Variants in TASOR2 observed in about 807,000 individuals in gnomAD.
TASOR2 encodes protein TASOR 2.
Under a neutral mutation model 199.5 loss-of-function variants are expected in TASOR2, and 84 were observed. The ratio of observed to expected loss-of-function variants is 0.42; its 90% CI spans 0.35 to 0.50. TASOR2 has a LOEUF of 0.50. Among genes scored for constraint, TASOR2 ranks in the 20% least tolerant of loss-of-function variants. The pLI is 0.02. For missense variants in TASOR2, 2,796 were observed against 2,835.9 expected, an observed-to-expected ratio of 0.99 and a Z score of 0.32; for synonymous variants, 1,103 against 1,046.6, an observed-to-expected ratio of 1.05 and a Z score of -1.04.
In TASOR2 at chr10:5,685,133, C is replaced by G. The variant is rs1588538533; in HGVS notation, c.-330C>G. ...GAGAAGCATGGGAAGGAGGCCGAGCCGGGATCTCAGGTCCTCGGGGGCGGC... is the reference window on the plus strand; with the variant it reads ...GAGAAGCATGGGAAGGAGGCCGAGCGGGGATCTCAGGTCCTCGGGGGCGGC... On this transcript the variant is annotated 5_prime_UTR_variant, in exon 1 of 21. Coordinates refer to ENST00000328090, the Ensembl canonical transcript of TASOR2. This position sits in a 1 kb window ranked among gnomAD's most constrained non-coding sequence, Gnocchi z 5.4. The G allele has an allele frequency of 1.4e-4, 57 of 398,218 alleles. No individual in the cohort carries two copies. The East Asian group carries it at 2.0e-3, about 14-fold the overall frequency. The allele number at this position is 398,218 out of a possible 1,614,324, so 24.7% of individuals were successfully genotyped here.
Position 5,740,493 on chromosome 10 carries a change from C to T in TASOR2, c.2323C>T (p.His775Tyr), listed in dbSNP as rs566014663. The change falls in exon 13 of 21, where the codon CAT (histidine) becomes TAT (tyrosine). Residue 775 changes from histidine to tyrosine, a missense_variant. Around this residue, in one of 3 missense-constraint regions of TASOR2, gnomAD observed 8 missense variants for 23.6 expected, o/e 0.34. Coordinates refer to ENST00000328090, the Ensembl canonical transcript of TASOR2. The surrounding 1 kb of genome is among the most constrained non-coding windows in gnomAD (Gnocchi z 5.3). The stretch of plus-strand genomic sequence containing the variant: ...GGAGAAAACTGTAGTAAGAGCATTA[C>T]ATGGGTGAGTATGAGTGAAACTTAG... 2.5e-6 allele frequency: 4 copies of T among 1,609,608 alleles called. No homozygotes were observed. The Admixed American group carries it at 5.0e-5, about 20-fold the overall frequency.
chr10:5,725,348 G>A (rs575870662), intron 8 of TASOR2, among the ~76,000 whole-genome samples: 8 of 135,092 alleles, frequency 5.9e-5, no homozygotes, highest in Middle Eastern at 4.1e-3. Flanking sequence ...CCTAGATCGC[G>A]CAGCTGCACT....
At position 5,689,156 on chromosome 10, in the gene TASOR2, A is replaced by G. The variant is rs957932098; in HGVS notation, c.-288+3981A>G. On this transcript the variant is annotated intron_variant, in intron 1 of 20. Coordinates refer to ENST00000328090, the Ensembl canonical transcript of TASOR2. This position sits in a 1 kb window ranked among gnomAD's most constrained non-coding sequence, Gnocchi z 4.1. ...AAGTTGGCAATTGTTTTCTTTTAAC[A>G]TGCTGAAGCTCTTATTCCTCTGTCT... Among the ~76,000 whole-genome samples the G allele has an allele frequency of 6.6e-6, 1 of 152,222 alleles. No homozygotes were observed. The highest frequency in any genetic ancestry group is 1.5e-5 in the Non-Finnish European group (1 of 68,044).
intron 1 of TASOR2, among the ~76,000 whole-genome samples, chr10:5,688,880 G>A (rs1836102632): frequency 1.3e-5 from 2 of 152,098 alleles, no homozygotes; most frequent in South Asian, 2.1e-4. Flanking sequence ...GCACACACCT[G>A]TGTTCCCAGC....
In TASOR2 at chr10:5,730,645, G is replaced by A; in HGVS notation, c.646G>A (p.Ala216Thr). 1 of 1,614,164 alleles carries A rather than the reference G, an allele frequency of 6.2e-7. No homozygotes were observed. The highest frequency in any genetic ancestry group is 8.5e-7 in the Non-Finnish European group (1 of 1,180,022). The change falls in exon 11 of 21, where the codon GCG becomes ACG. Residue 216 changes from alanine (A) to threonine (T), a missense_variant. Around this residue, in one of 3 missense-constraint regions of TASOR2, gnomAD observed 847 missense variants for 887.4 expected, o/e 0.95. Transcript: ENST00000328090. This position sits in a 1 kb window ranked among gnomAD's most constrained non-coding sequence, Gnocchi z 4.1. ...GCGTCATTTCCAAGAATTGTACAAG[G>A]CGGACAGAAGCCCTTCATTGAGTGT... is the stretch of plus-strand genomic sequence containing the variant.
Position 5,762,985 on chromosome 10 carries a change from C to T in TASOR2, c.7290-44C>T, listed in dbSNP as rs41298379. On this transcript the variant is annotated intron_variant, in intron 20 of 20. Coordinates refer to ENST00000328090, the Ensembl canonical transcript of TASOR2. ...TCCCGCTTATAAAATATTTCTTGTTCGTATTATTTTAAGAAGTTCTTTATC... is the reference window on the plus strand; with the variant it reads ...TCCCGCTTATAAAATATTTCTTGTTTGTATTATTTTAAGAAGTTCTTTATC... 223 of 1,581,592 alleles carry T rather than the reference C, an allele frequency of 1.4e-4. 2 individuals carry two copies. In the Middle Eastern group the frequency reaches 2.2e-3, roughly 15 times the overall value.
intron 1 of TASOR2, 76 bp from the exon 2 acceptor site, chr10:5,712,747 T>A (rs1588678724): frequency 1.2e-6 from 1 of 804,588 alleles, no homozygotes; most frequent in Non-Finnish European, 1.7e-6. Context: ...AGAATTCAAA[T>A]GATGCATTTT....
intron 10 of TASOR2, among the ~76,000 whole-genome samples, chr10:5,728,208 G>A (rs1268396700): frequency 1.6e-5 from 2 of 121,494 alleles, no homozygotes; most frequent in African/African-American, 3.3e-5. Flanking sequence ...GCAACAGAGT[G>A]AGACCCTGTT....
intron 11 of TASOR2, 56 bp downstream of exon 12, chr10:5,731,259 G>A: frequency 3.3e-6 from 5 of 1,515,030 alleles, no homozygotes; most frequent in Middle Eastern, 1.9e-4. Flanking sequence ...CCAGGCGTTG[G>A]TGGCTCATGC....
exon 13 of TASOR2, chr10:5,739,629 A>G (rs1442305243): frequency 1.2e-6 from 2 of 1,611,676 alleles, no homozygotes; most frequent in Admixed American, 1.7e-5. Flanking sequence ...CAAAGGAGAA[A>G]CTGCTTCAAA....
rs141624944 is a variant in TASOR2, at chr10:5,742,830, G to T, written c.2757+304G>T. On this transcript the variant is annotated intron_variant, in intron 14 of 20. Coordinates refer to ENST00000328090, the Ensembl canonical transcript of TASOR2. The surrounding 1 kb of genome is among the most constrained non-coding windows in gnomAD (Gnocchi z 4.2). Reference sequence around the variant, plus strand: ...CTTCTTTGCCTAATTTTTAAAAGAGGTGACTTAATACCTATCAAGTCTTAT... The same window carrying T: ...CTTCTTTGCCTAATTTTTAAAAGAGTTGACTTAATACCTATCAAGTCTTAT... 1.8e-4 allele frequency among the ~76,000 whole-genome samples: 28 copies of T among 152,174 alleles called. No homozygotes were observed. Among genetic ancestry groups the T allele is most frequent in the African/African-American group, 6.7e-4 (28 of 41,524 alleles).
Position 5,737,983 on chromosome 10 carries a change from AT to A in TASOR2, c.1448-1628del, listed in dbSNP as rs1835859856. ...TGAATGACTACATTTAAATCTCTGA[AT>A]TTTTTTCTTAAGCACCTATGTTAAT... On this transcript the variant is annotated intron_variant, in intron 12 of 20. Coordinates refer to ENST00000328090, the Ensembl canonical transcript of TASOR2. The surrounding 1 kb of genome is among the most constrained non-coding windows in gnomAD (Gnocchi z 4.9). Among the ~76,000 whole-genome samples the A allele has an allele frequency of 6.6e-6, 1 of 152,164 alleles. No individual in the cohort carries two copies. Among genetic ancestry groups the A allele is most frequent in the African/African-American group, 2.4e-5 (1 of 41,454 alleles).
intron 1 of TASOR2, among the ~76,000 whole-genome samples, chr10:5,705,882 T>G (rs1564267042): frequency 6.6e-6 from 1 of 152,204 alleles, no homozygotes. Context: ...TTTTAGGAAG[T>G]CTGATGTATA....
chr10:5,759,506 A>T (rs1305683172), intron 18 of TASOR2, among the ~76,000 whole-genome samples: 2 of 152,226 alleles, frequency 1.3e-5, no homozygotes, highest in Non-Finnish European at 2.9e-5. Flanking sequence ...ATTCCTCCAC[A>T]TTCTCACAAG....
intron 8 of TASOR2, among the ~76,000 whole-genome samples, chr10:5,726,405 T>C (rs545067906): frequency 2.6e-5 from 4 of 152,362 alleles, no homozygotes; most frequent in African/African-American, 9.6e-5. Flanking sequence ...TATTTTCCAT[T>C]TCTTAAGATG....
At chr10:5,695,639 T>C (rs1837061127) in intron 1 of TASOR2, among the ~76,000 whole-genome samples, 1 of 152,158 alleles carries the variant, frequency 6.6e-6, no homozygotes, top group African/African-American at 2.4e-5. Context: ...ATACACTCTT[T>C]GGAAGTCTCT....
In TASOR2 at chr10:5,742,190, C is replaced by G; in HGVS notation, c.2421C>G (p.Ile807Met). 6.2e-7 allele frequency: 1 copy of G among 1,614,134 alleles called. No homozygotes were observed. The highest frequency in any genetic ancestry group is 2.2e-5 in the East Asian group (1 of 44,864). Residue 807 changes from isoleucine to methionine, a missense_variant, in exon 14 of 21, where the codon ATC (isoleucine) becomes ATG (methionine). This residue lies in a region of TASOR2 where 1,941 missense variants were observed against 1,924.9 expected (regional missense o/e 1.01). Transcript: ENST00000328090. This position sits in a 1 kb window ranked among gnomAD's most constrained non-coding sequence, Gnocchi z 4.2. Reference sequence around the variant, plus strand: ...TGTTTTACAGCAATCAGAACAAAATCATACGATCTTCCCGAAAGGTTGTAG... The same window carrying G: ...TGTTTTACAGCAATCAGAACAAAATGATACGATCTTCCCGAAAGGTTGTAG...
intron 6 of TASOR2, 96 bp downstream of exon 7, chr10:5,721,066 A>G: frequency 1.1e-6 from 1 of 873,738 alleles, no homozygotes; most frequent in South Asian, 1.6e-5. Flanking sequence ...TTGGTGTAAA[A>G]TACAGCAACT....
In TASOR2 at chr10:5,751,581, T is replaced by A. The variant is rs80291477; in HGVS notation, c.6606+1554T>A. Among the ~76,000 whole-genome samples the A allele has an allele frequency of 0.014, 2,071 of 152,326 alleles. 48 individuals carry two copies. Among genetic ancestry groups the A allele is most frequent in the African/African-American group, 0.048 (1,980 of 41,562 alleles). On this transcript the variant is annotated intron_variant, in intron 15 of 20. Transcript: ENST00000328090. The surrounding 1 kb of genome is among the most constrained non-coding windows in gnomAD (Gnocchi z 5.3). Reference sequence around the variant, plus strand: ...TGTCCTTTTGACAATTCGCCATAATTCTTCGGGCACTTCTTTACTTTGGGG... The same window carrying A: ...TGTCCTTTTGACAATTCGCCATAATACTTCGGGCACTTCTTTACTTTGGGG...
Sources: gnomAD v4.1 joint callset for allele counts (sites outside exome capture counted in the v4.1 genomes callset) on GRCh38, gnomAD v4.1.1 for gene constraint, gnomAD v4.1.1 regional missense constraint, Gnocchi (gnomAD v3.1) non-coding constraint, MANE v1.5 for transcripts, NCBI Gene and HGNC (gene_info 2026-07-23, HGNC 2026-07-21) for gene names.